The following ARHGAP44 variants were observed in gnomAD, a reference collection of about 807,000 sequenced individuals.
The protein encoded by ARHGAP44 is Rho GTPase activating protein 44, also known as rho GTPase-activating protein 44.
A neutral mutation model predicts 106.8 loss-of-function variants in ARHGAP44; 43 were observed. The observed-to-expected ratio is 0.40, with a 90% CI of 0.32 to 0.52. ARHGAP44 has a LOEUF of 0.52. Among genes scored for constraint, ARHGAP44 ranks in the 20% least tolerant of loss-of-function variants. ARHGAP44 has a pLI of 0.48. For synonymous variants in ARHGAP44, 439 were observed against 410.3 expected, an observed-to-expected ratio of 1.07 and a Z score of -0.85; for missense variants, 866 against 1,050.5, an observed-to-expected ratio of 0.82 and a Z score of 2.43.
At chr17:12,843,257 C>T (rs117250020) in intron 1 of ARHGAP44, among the ~76,000 whole-genome samples, 1,793 of 152,264 alleles carry the variant, frequency 0.012, 22 homozygotes, top group Non-Finnish European at 0.019. Flanking sequence ...CCCTCTGTTT[C>T]TCCCCCCACC....
chr17:12,794,439 A>G (rs1159463618), intron 1 of ARHGAP44, among the ~76,000 whole-genome samples: 1 of 152,152 alleles, frequency 6.6e-6, no homozygotes, highest in African/African-American at 2.4e-5. Flanking sequence ...AAGTCTTCCA[A>G]AAATAATGTT....
chr17:12,817,290 G>T (rs2034626044), intron 1 of ARHGAP44, among the ~76,000 whole-genome samples: 1 of 152,036 alleles, frequency 6.6e-6, no homozygotes, highest in South Asian at 2.1e-4. Context: ...AGCATTAAAT[G>T]CTTAATTAGA....
At chr17:12,953,350 G>A (rs553088763) in intron 13 of ARHGAP44, among the ~76,000 whole-genome samples, 8 of 152,220 alleles carry the variant, frequency 5.3e-5, no homozygotes, top group South Asian at 2.1e-4. Context: ...CACCCATCCC[G>A]GCCCTGCCGC....
intron 7 of ARHGAP44, among the ~76,000 whole-genome samples, chr17:12,938,002 G>A (rs549328957): frequency 3.9e-5 from 6 of 152,206 alleles, no homozygotes; most frequent in South Asian, 2.1e-4. Context: ...GGAGGCTGAG[G>A]CAGGAGAATC....
At position 12,848,544 on chromosome 17, in the gene ARHGAP44, AT is replaced by A. The variant is rs143738684; in HGVS notation, c.54-46388del. Reference sequence around the variant, plus strand: ...CCTCTAATTCATGCCAAAACCCGTGATTTTTTTTAAAGTCAGAAAATACTTC... The same window carrying A: ...CCTCTAATTCATGCCAAAACCCGTGATTTTTTTAAAGTCAGAAAATACTTC... On this transcript the variant is annotated intron_variant, in intron 1 of 20. Transcript: ENST00000379672. Among the ~76,000 whole-genome samples, 5 of 151,994 alleles carry A rather than the reference AT, an allele frequency of 3.3e-5. No homozygotes were observed. The East Asian group carries it at 5.8e-4, about 18-fold the overall frequency.
chr17:12,968,553 C>G (rs1019720568), intron 16 of ARHGAP44, among the ~76,000 whole-genome samples: 5 of 149,986 alleles, frequency 3.3e-5, no homozygotes, highest in African/African-American at 1.2e-4. Flanking sequence ...CAGGCATCCC[C>G]TCTTTATTTG....
rs554804249 is a variant in ARHGAP44, at chr17:12,840,619, A to G, written c.53+50728A>G. 8.4e-4 allele frequency among the ~76,000 whole-genome samples: 128 copies of G among 151,922 alleles called. 1 individual carries two copies. Among genetic ancestry groups the G allele is most frequent in the African/African-American group, 3.0e-3 (123 of 41,194 alleles). On this transcript the variant is annotated intron_variant, in intron 1 of 20. Transcript: ENST00000379672. ...CTGAGGAGAGGTATTGGGATGGTTCATCTGGGCTGAGGAGGTAGAGAAGAG... is the reference window on the plus strand; with the variant it reads ...CTGAGGAGAGGTATTGGGATGGTTCGTCTGGGCTGAGGAGGTAGAGAAGAG...
At chr17:12,815,372 T>G (rs927479372) in intron 1 of ARHGAP44, among the ~76,000 whole-genome samples, 2 of 152,190 alleles carry the variant, frequency 1.3e-5, no homozygotes, top group African/African-American at 4.8e-5. Context: ...AAGTGTATTG[T>G]GTTCAATACT....
At chr17:12,922,660 T>C (rs1002471055) in intron 6 of ARHGAP44, among the ~76,000 whole-genome samples, 27 of 152,194 alleles carry the variant, frequency 1.8e-4, no homozygotes, top group African/African-American at 6.3e-4. Flanking sequence ...TTGTTTTGTC[T>C]TCTTATGAGA....
chr17:12,824,021 C>G, intron 1 of ARHGAP44, among the ~76,000 whole-genome samples: 1 of 152,114 alleles, frequency 6.6e-6, no homozygotes, highest in East Asian at 1.9e-4. Flanking sequence ...CCTTTGTCTT[C>G]CCCTTGGCTT....
intron 2 of ARHGAP44, 76 bp from the exon 3 acceptor site, chr17:12,896,331 G>T: frequency 8.0e-7 from 1 of 1,244,184 alleles, no homozygotes; most frequent in Admixed American, 2.2e-5. Context: ...CATGAGTTGT[G>T]ATTGTCCACA....
At position 12,958,596 on chromosome 17, in the gene ARHGAP44, TG is replaced by T; in HGVS notation, c.1343-118del. 1 of 932,202 alleles carries T rather than the reference TG, an allele frequency of 1.1e-6. No homozygotes were observed. Among genetic ancestry groups the T allele is most frequent in the Non-Finnish European group, 1.6e-6 (1 of 616,994 alleles). The allele number at this position is 932,202 out of a possible 1,614,324, so 57.7% of individuals were successfully genotyped here. On this transcript the variant is annotated intron_variant, in intron 15 of 20. Transcript: ENST00000379672. This position sits in a 1 kb window ranked among gnomAD's most constrained non-coding sequence, Gnocchi z 4.1. ...TGCATTATATTAATAAGGTGAACCATGGGATGAAATTTTCTAGGGATGACAT... is the reference window on the plus strand; with the variant it reads ...TGCATTATATTAATAAGGTGAACCATGGATGAAATTTTCTAGGGATGACAT...
intron 1 of ARHGAP44, among the ~76,000 whole-genome samples, chr17:12,872,906 C>T (rs557295827): frequency 6.6e-6 from 1 of 152,170 alleles, no homozygotes; most frequent in African/African-American, 2.4e-5. Flanking sequence ...AGTAAGTTTT[C>T]TCTGTGCTTA....
At chr17:12,915,872 C>G in intron 4 of ARHGAP44, 28 bp from the exon 5 acceptor site, 1 of 1,589,846 alleles carries the variant, frequency 6.3e-7, no homozygotes, top group African/African-American at 1.3e-5. Flanking sequence ...CAAGAGTATT[C>G]ACTATTTCTT....
chr17:12,874,506 G>A (rs1320193195), intron 1 of ARHGAP44, among the ~76,000 whole-genome samples: 1 of 152,100 alleles, frequency 6.6e-6, no homozygotes, highest in Non-Finnish European at 1.5e-5. Flanking sequence ...TGAGGCAGGT[G>A]GATCGCCTGA....
intron 18 of ARHGAP44, among the ~76,000 whole-genome samples, chr17:12,976,699 G>A (rs1436905453): frequency 1.3e-5 from 2 of 151,714 alleles, no homozygotes; most frequent in East Asian, 3.9e-4. Context: ...GAGCATAGGA[G>A]GGGGCACCTG....
rs1399344338 is a variant in ARHGAP44 at position 12,789,628 on chromosome 17, A to AG, written c.-206dup. 3.0e-6 allele frequency: 1 copy of AG among 336,420 alleles called. No individual in the cohort carries two copies. The highest frequency in any genetic ancestry group is 4.7e-5 in the East Asian group (1 of 21,142). 20.8% of individuals were successfully genotyped at this position (336,420 alleles called of 1,614,324 possible). A position where few individuals can be genotyped will look rare whatever the true frequency, so the allele number is the denominator to read the frequency against. On this transcript the variant is annotated 5_prime_UTR_variant, in exon 1 of 21. Coordinates refer to ENST00000379672, the MANE Select transcript of ARHGAP44 (RefSeq NM_014859.6). ...CCCCGGGCATTGCGCGGCGCGCGTG[A>AG]GGGGGATGCGGCAGGAGGCGGCGCG...
At chr17:12,839,315 G>A (rs151120509) in intron 1 of ARHGAP44, among the ~76,000 whole-genome samples, 2 of 152,234 alleles carry the variant, frequency 1.3e-5, no homozygotes, top group East Asian at 1.9e-4. Context: ...AGTGTCCCTC[G>A]CTCTTCCAAG....
At chr17:12,808,297 C>T (rs113155425) in intron 1 of ARHGAP44, among the ~76,000 whole-genome samples, 49 of 152,342 alleles carry the variant, frequency 3.2e-4, no homozygotes, top group African/African-American at 1.1e-3. Flanking sequence ...CTCACAGATC[C>T]ACTAGACAGT....
Sources: allele counts gnomAD v4.1 joint callset (sites outside exome capture counted in the v4.1 genomes callset), GRCh38; gene constraint gnomAD v4.1.1; non-coding constraint Gnocchi (gnomAD v3.1); transcripts MANE v1.5; gene names NCBI Gene and HGNC (gene_info 2026-07-23, HGNC 2026-07-21).